The following STAU2 variants were observed in gnomAD, a reference collection of about 807,000 sequenced individuals.
The protein encoded by STAU2 is staufen double-stranded RNA binding protein 2.
In STAU2, 20 loss-of-function variants were observed where a neutral mutation model predicts 65.9. The observed-to-expected ratio is 0.30, with a 90% CI of 0.21 to 0.44. STAU2 has a LOEUF of 0.44. Among genes scored for constraint, STAU2 ranks in the 20% least tolerant of loss-of-function variants. The pLI is 1.00. For synonymous variants in STAU2, 232 were observed against 233.9 expected, an observed-to-expected ratio of 0.99 and a Z score of 0.07; for missense variants, 558 against 683.9, an observed-to-expected ratio of 0.82 and a Z score of 2.05.
chr8:73,439,290 C>A (rs987363189), intron 13 of STAU2: 1 of 332,110 alleles, frequency 3.0e-6, no homozygotes, highest in Non-Finnish European at 5.9e-6. Flanking sequence ...CTCCCTGAAT[C>A]CTGTGTGAAG....
intron 6 of STAU2, among the ~76,000 whole-genome samples, chr8:73,630,893 C>A (rs1270152118): frequency 6.6e-6 from 1 of 152,176 alleles, no homozygotes; most frequent in Non-Finnish European, 1.5e-5. Flanking sequence ...TTTGGTTATT[C>A]CCTGTAAAGA....
intron 1 of STAU2, among the ~76,000 whole-genome samples, chr8:73,740,247 G>A (rs187364231): frequency 1.3e-5 from 2 of 152,190 alleles, no homozygotes; most frequent in Non-Finnish European, 1.5e-5. Flanking sequence ...CACAGAAACT[G>A]TAAGATAATG....
intron 6 of STAU2, among the ~76,000 whole-genome samples, chr8:73,625,420 A>G (rs1813563600): frequency 6.6e-6 from 1 of 152,240 alleles, no homozygotes; most frequent in Admixed American, 6.5e-5. Context: ...AAACGAACTT[A>G]CATTATGCTA....
intron 13 of STAU2, among the ~76,000 whole-genome samples, chr8:73,501,099 T>A (rs1821727358): frequency 6.6e-6 from 1 of 151,872 alleles, no homozygotes; most frequent in Admixed American, 6.6e-5. Context: ...CCAATTCAAA[T>A]AAGAGACTGA....
chr8:73,653,013 C>T (rs998030260), intron 6 of STAU2: 4 of 152,180 alleles, frequency 2.6e-5, no homozygotes, highest in Admixed American at 2.0e-4. Flanking sequence ...CCCTGCTACT[C>T]TTACTTTGCC....
chr8:73,600,210 AGTT>A (rs1184229710), intron 10 of STAU2, among the ~76,000 whole-genome samples: 1 of 152,268 alleles, frequency 6.6e-6, no homozygotes, highest in Admixed American at 6.5e-5. Context: ...CTTTTAACAG[AGTT>A]TCAGTAAAGA....
At chr8:73,651,009 G>A (rs1341870171) in intron 6 of STAU2, among the ~76,000 whole-genome samples, 8 of 152,266 alleles carry the variant, frequency 5.3e-5, no homozygotes, top group Middle Eastern at 3.4e-3. Flanking sequence ...AGCCCTGCCC[G>A]GCCATGCGTC....
intron 13 of STAU2, among the ~76,000 whole-genome samples, chr8:73,531,827 G>C (rs776851826): frequency 1.3e-5 from 2 of 152,166 alleles, no homozygotes; most frequent in Non-Finnish European, 2.9e-5. Flanking sequence ...AACTCTTTCT[G>C]CTAGAACAAA....
intron 6 of STAU2, among the ~76,000 whole-genome samples, chr8:73,635,095 A>G (rs1360135756): frequency 6.6e-6 from 1 of 152,222 alleles, no homozygotes; most frequent in African/African-American, 2.4e-5. Context: ...ATTCAAAACA[A>G]CTAAATGTCC....
chr8:73,469,247 T>C (rs1259629152), intron 13 of STAU2, among the ~76,000 whole-genome samples: 3 of 151,868 alleles, frequency 2.0e-5, no homozygotes, highest in African/African-American at 4.8e-5. Flanking sequence ...TAGGTGGGAA[T>C]TGAACAATGA....
rs73328753 is a variant in STAU2, at chr8:73,576,734, G to A, written c.1222+6036C>T. Among the ~76,000 whole-genome samples the A allele has an allele frequency of 3.5e-3, 540 of 152,182 alleles. 3 individuals carry two copies. The highest frequency in any genetic ancestry group is 0.011 in the African/African-American group (460 of 41,520). On this transcript the variant is annotated intron_variant, in intron 12 of 14. Coordinates refer to ENST00000524300, the MANE Select transcript of STAU2 (RefSeq NM_001164380.2). ...AGCAGTTAATGTTTCTTCACAAATT[G>A]TAATACACTTTAAGATTTTATAAAA...
chr8:73,680,020 TG>T (rs1190529715), intron 5 of STAU2, among the ~76,000 whole-genome samples: 13 of 119,256 alleles, frequency 1.1e-4, no homozygotes, highest in African/African-American at 4.3e-4. Flanking sequence ...CATCTCACAG[TG>T]GTCCTTGGGG....
At chr8:73,694,170 C>A (rs1277187726) in intron 4 of STAU2, among the ~76,000 whole-genome samples, 1 of 152,012 alleles carries the variant, frequency 6.6e-6, no homozygotes, top group Non-Finnish European at 1.5e-5. Context: ...CATTTAGGCA[C>A]CTAATAACAC....
intron 7 of STAU2, among the ~76,000 whole-genome samples, chr8:73,616,819 A>G (rs530679102): frequency 6.6e-6 from 1 of 152,090 alleles, no homozygotes; most frequent in Non-Finnish European, 1.5e-5. Context: ...GAAGCTCACT[A>G]TGCTATGTAT....
At position 73,436,435 on chromosome 8, in the gene STAU2, C is replaced by T. The variant is rs141335597; in HGVS notation, c.1531-13733G>A. On this transcript the variant is annotated intron_variant, in intron 13 of 14. Coordinates refer to ENST00000524300, the MANE Select transcript of STAU2 (RefSeq NM_001164380.2). ...ACCTCCTCTTATACCTGATTTTACACGTATATTTATCTATTTATATTTTTC... is the reference window on the plus strand; with the variant it reads ...ACCTCCTCTTATACCTGATTTTACATGTATATTTATCTATTTATATTTTTC... Among the ~76,000 whole-genome samples the T allele has an allele frequency of 2.9e-3, 433 of 151,590 alleles. 6 individuals are homozygous for T. Among genetic ancestry groups the T allele is most frequent in the African/African-American group, 8.4e-3 (344 of 41,094 alleles).
intron 6 of STAU2, among the ~76,000 whole-genome samples, chr8:73,631,418 A>T (rs934187568): frequency 6.6e-5 from 10 of 152,064 alleles, no homozygotes; most frequent in African/African-American, 2.4e-4. Context: ...ACACCAATGC[A>T]GTTCAAAACA....
At chr8:73,573,046 C>T (rs1207749225) in intron 12 of STAU2, among the ~76,000 whole-genome samples, 5 of 152,232 alleles carry the variant, frequency 3.3e-5, no homozygotes, top group African/African-American at 9.6e-5. Flanking sequence ...TAAGCAACTT[C>T]AGCAATGTCT....
intron 10 of STAU2, among the ~76,000 whole-genome samples, chr8:73,602,519 G>C (rs1811708027): frequency 6.6e-6 from 1 of 152,078 alleles, no homozygotes; most frequent in Non-Finnish European, 1.5e-5. Flanking sequence ...GACTAGCCTG[G>C]GCTACATAGT....
intron 9 of STAU2, among the ~76,000 whole-genome samples, chr8:73,605,878 T>TACACACACAC (rs58486426): frequency 8.5e-6 from 1 of 117,756 alleles, no homozygotes; most frequent in African/African-American, 3.2e-5. Context: ...CACACACACA[T>TACACACACAC]ACACACACAC....
Sources: allele counts gnomAD v4.1 joint callset (sites outside exome capture counted in the v4.1 genomes callset), GRCh38; gene constraint gnomAD v4.1.1; transcripts MANE v1.5; gene names NCBI Gene and HGNC (gene_info 2026-07-23, HGNC 2026-07-21).